Variants in ASZ1 observed in about 807,000 individuals in gnomAD.
ASZ1 encodes ankyrin repeat, SAM and basic leucine zipper domain containing 1.
Under a neutral mutation model 61.8 loss-of-function variants are expected in ASZ1, and 67 were observed. The ratio of observed to expected loss-of-function variants is 1.08; its 90% CI spans 0.89 to 1.33. The LOEUF is 1.33. ASZ1 is among the 40% of genes most tolerant of loss of function. ASZ1 has a pLI of 0.00. For synonymous variants in ASZ1, 193 were observed against 192.7 expected, an observed-to-expected ratio of 1.00 and a Z score of -0.01; for missense variants, 577 against 554.5, an observed-to-expected ratio of 1.04 and a Z score of -0.41.
chr7:117,385,882 T>C (rs1339637448), intron 4 of ASZ1, 73 bp from the exon 5 acceptor site: 4 of 1,215,402 alleles, frequency 3.3e-6, no homozygotes, highest in Non-Finnish European at 3.6e-6. Flanking sequence ...AATTTAACCA[T>C]ACACAATACC....
rs200268860 is a variant in ASZ1, at chr7:117,379,945, C to T, written c.1048G>A (p.Glu350Lys). 41 of 1,578,960 alleles carry T rather than the reference C, an allele frequency of 2.6e-5. No individual in the cohort carries two copies. Among genetic ancestry groups the T allele is most frequent in the Non-Finnish European group, 3.3e-5 (38 of 1,152,436 alleles). ...CAAATAAGTTAATTTTACCTGATTT[C>T]CAACTTTGTCTCTTCAGATAGCTCT... is the stretch of plus-strand genomic sequence containing the variant. ...FGELSEETKL[E>K]ISGDEFLNFL... The change falls in exon 10 of 13, where the codon GAA becomes AAA. Residue 350 changes from glutamate to lysine, a missense_variant. By Grantham distance (56) the Glu-to-Lys change is moderately conservative. Coordinates refer to ENST00000284629, the MANE Select transcript of ASZ1 (RefSeq NM_130768.3).
At chr7:117,383,227 G>T in intron 6 of ASZ1, 117 bp from the exon 7 acceptor site, 1 of 1,162,284 alleles carries the variant, frequency 8.6e-7, no homozygotes, top group East Asian at 3.2e-5. Flanking sequence ...GCAAGTAAGT[G>T]GGACAGATGT....
intron 4 of ASZ1, among the ~76,000 whole-genome samples, chr7:117,402,204 C>T (rs1217786991): frequency 6.6e-6 from 1 of 152,138 alleles, no homozygotes; most frequent in Non-Finnish European, 1.5e-5. Flanking sequence ...GGGCTGAGCA[C>T]CAAATGGAAC....
chr7:117,378,810 T>C (rs892028947), intron 10 of ASZ1, among the ~76,000 whole-genome samples: 2 of 151,932 alleles, frequency 1.3e-5, no homozygotes, highest in Non-Finnish European at 2.9e-5. Flanking sequence ...TTAAACAAAC[T>C]GTGGTATATA....
At chr7:117,406,443 C>A (rs1353388578) in intron 4 of ASZ1, among the ~76,000 whole-genome samples, 8 of 152,004 alleles carry the variant, frequency 5.3e-5, no homozygotes, top group African/African-American at 1.9e-4. Flanking sequence ...TAATTGATAG[C>A]AATACTAAAA....
chr7:117,394,401 G>A (rs1796537272), intron 4 of ASZ1, among the ~76,000 whole-genome samples: 1 of 152,170 alleles, frequency 6.6e-6, no homozygotes, highest in Non-Finnish European at 1.5e-5. Flanking sequence ...TTTCTTGACA[G>A]GAATTTTCTT....
In ASZ1 at chr7:117,363,553, G is replaced by A; in HGVS notation, c.*43C>T. 1 of 1,435,902 alleles carries A rather than the reference G, an allele frequency of 7.0e-7. No individual in the cohort carries two copies. The highest frequency in any genetic ancestry group is 9.3e-7 in the Non-Finnish European group (1 of 1,075,318). The allele number at this position is 1,435,902 out of a possible 1,614,324, so 88.9% of individuals were successfully genotyped here. Reference sequence around the variant, plus strand: ...AGTTAAAAGCAATGATTTTTGGATGGTTCAATAAGATGTGTATATATAACT... The same window carrying A: ...AGTTAAAAGCAATGATTTTTGGATGATTCAATAAGATGTGTATATATAACT... On this transcript the variant is annotated 3_prime_UTR_variant, in exon 13 of 13. Coordinates refer to ENST00000284629, the MANE Select transcript of ASZ1 (RefSeq NM_130768.3).
chr7:117,366,050 C>A (rs914052182), intron 12 of ASZ1, among the ~76,000 whole-genome samples: 1 of 152,178 alleles, frequency 6.6e-6, no homozygotes, highest in Admixed American at 6.5e-5. Context: ...GATCACTTGA[C>A]ATCAGGAGTT....
intron 4 of ASZ1, among the ~76,000 whole-genome samples, chr7:117,408,026 A>T (rs1377460372): frequency 2.6e-5 from 4 of 152,178 alleles, no homozygotes; most frequent in Non-Finnish European, 5.9e-5. Context: ...GTACTTTCTC[A>T]TGTTCACCAA....
chr7:117,410,898 G>A (rs1796877211), intron 4 of ASZ1, among the ~76,000 whole-genome samples: 2 of 151,504 alleles, frequency 1.3e-5, no homozygotes, highest in African/African-American at 2.4e-5. Flanking sequence ...CTTTATTTTT[G>A]TAGTGTATAA....
At chr7:117,420,091 A>T in intron 4 of ASZ1, 72 bp downstream of exon 4, 1 of 1,116,652 alleles carries the variant, frequency 9.0e-7, no homozygotes, top group Non-Finnish European at 1.3e-6. Flanking sequence ...ATTGTTCATG[A>T]TTTTTAAAAG....
intron 12 of ASZ1, among the ~76,000 whole-genome samples, chr7:117,364,404 TGAGAGACA>T (rs941653734): frequency 3.6e-4 from 49 of 135,768 alleles, no homozygotes; most frequent in Middle Eastern, 3.5e-3. Context: ...TGTGTTTCTG[TGAGAGACA>T]GAGAGACAGA....
At chr7:117,422,538 T>C (rs1797119482) in intron 2 of ASZ1, among the ~76,000 whole-genome samples, 179 bp from the exon 3 acceptor site, 1 of 152,254 alleles carries the variant, frequency 6.6e-6, no homozygotes, top group Non-Finnish European at 1.5e-5. Flanking sequence ...TAACACAATT[T>C]GCTAACTTCA....
intron 4 of ASZ1, among the ~76,000 whole-genome samples, chr7:117,408,068 G>C (rs1034209259): frequency 6.6e-6 from 1 of 152,084 alleles, no homozygotes; most frequent in African/African-American, 2.4e-5. Context: ...CTACAGTTTA[G>C]GGTTTTTTAT....
chr7:117,408,508 T>C (rs1351037736), intron 4 of ASZ1, among the ~76,000 whole-genome samples: 2 of 152,084 alleles, frequency 1.3e-5, no homozygotes, highest in Non-Finnish European at 2.9e-5. Context: ...AGTGCAAAAA[T>C]TGACCATAGG....
At chr7:117,390,686 C>A (rs896338239) in intron 4 of ASZ1, among the ~76,000 whole-genome samples, 8 of 152,012 alleles carry the variant, frequency 5.3e-5, no homozygotes, top group Non-Finnish European at 8.8e-5. Flanking sequence ...TGCAGCTTCA[C>A]CAACATGTTA....
At chr7:117,363,773 A>C (rs896246252) in intron 12 of ASZ1, 25 bp from the exon 13 acceptor site, 9 of 1,535,522 alleles carry the variant, frequency 5.9e-6, no homozygotes, top group Non-Finnish European at 7.0e-6. Flanking sequence ...GGAAAAAGAA[A>C]AGAGGAGTTA....
intron 10 of ASZ1, among the ~76,000 whole-genome samples, chr7:117,370,300 C>G (rs995040132): frequency 2.0e-5 from 3 of 151,960 alleles, no homozygotes; most frequent in African/African-American, 7.3e-5. Flanking sequence ...TAAAGAAGAC[C>G]ACAGGACATA....
intron 4 of ASZ1, among the ~76,000 whole-genome samples, chr7:117,393,611 G>A (rs534624764): frequency 2.4e-4 from 37 of 151,988 alleles, no homozygotes; most frequent in Non-Finnish European, 4.9e-4. Flanking sequence ...CCACTCTAAT[G>A]TAATGTTTTA....
Sources: allele counts gnomAD v4.1 joint callset (sites outside exome capture counted in the v4.1 genomes callset), GRCh38; gene constraint gnomAD v4.1.1; transcripts MANE v1.5; gene names NCBI Gene and HGNC (gene_info 2026-07-23, HGNC 2026-07-21).